ADCK1: variants seen among roughly 807,000 people sequenced by gnomAD.
ADCK1 encodes the protein aarF domain containing kinase 1.
Under a neutral mutation model 52.3 loss-of-function variants are expected in ADCK1, and 41 were observed. The ratio of observed to expected loss-of-function variants is 0.78; its 90% confidence interval spans 0.61 to 1.02. The LOEUF is 1.02. Ranked by LOEUF, ADCK1 falls within the 50% of genes least tolerant of loss-of-function variation. The pLI is 0.00. For synonymous variants in ADCK1, 250 were observed against 274.6 expected (o/e 0.91, Z 0.89); for missense variants, 658 against 679.5 (o/e 0.97, Z 0.35).
At chr14:77,827,443 C>T (rs1471710221) in intron 3 of ADCK1, among the ~76,000 whole-genome samples, 1 of 110,336 alleles carries the variant, frequency 9.1e-6, no homozygotes, top group African/African-American at 3.5e-5. Context: ...TCAGTTATAG[C>T]TACCAGGAAA....
intron 3 of ADCK1, among the ~76,000 whole-genome samples, chr14:77,823,370 G>A (rs1452519647): frequency 6.6e-6 from 1 of 152,090 alleles, no homozygotes; most frequent in Non-Finnish European, 1.5e-5. Context: ...TCTCCTCTGT[G>A]ATGCTTTTCT....
intron 9 of ADCK1, among the ~76,000 whole-genome samples, chr14:77,930,691 T>G (rs1421683634): frequency 6.6e-6 from 1 of 152,166 alleles, no homozygotes; most frequent in Non-Finnish European, 1.5e-5. Flanking sequence ...AATACACCGA[T>G]AGGGTTGTTG....
At chr14:77,914,612 A>G in intron 7 of ADCK1, 2 of 984,168 alleles carry the variant, frequency 2.0e-6, no homozygotes, top group East Asian at 1.1e-4. Flanking sequence ...GAGGGTTTCA[A>G]AGTTAGGGCC....
intron 3 of ADCK1, among the ~76,000 whole-genome samples, chr14:77,844,112 G>T (rs2082128272): frequency 6.6e-6 from 1 of 151,754 alleles, no homozygotes; most frequent in Non-Finnish European, 1.5e-5. Flanking sequence ...CTGTTGCTCA[G>T]GCTGGAGTGC....
intron 3 of ADCK1, among the ~76,000 whole-genome samples, chr14:77,844,557 C>T (rs977652254): frequency 2.6e-5 from 4 of 152,160 alleles, no homozygotes; most frequent in Admixed American, 2.0e-4. Context: ...GGGGAGCCGG[C>T]CCCGTCAGGT....
chr14:77,818,020 G>T (rs1035685777), intron 1 of ADCK1, among the ~76,000 whole-genome samples: 3 of 151,786 alleles, frequency 2.0e-5, no homozygotes, highest in Non-Finnish European at 2.9e-5. Flanking sequence ...TTACAGGCGT[G>T]AGCCACCACG....
At chr14:77,826,271 G>A (rs918184394) in intron 3 of ADCK1, among the ~76,000 whole-genome samples, 3 of 152,168 alleles carry the variant, frequency 2.0e-5, no homozygotes, top group Admixed American at 6.5e-5. Flanking sequence ...ATCCCTTCTC[G>A]TCAGTGTGGC....
intron 1 of ADCK1, among the ~76,000 whole-genome samples, chr14:77,803,583 A>G (rs2081158562): frequency 6.6e-6 from 1 of 152,088 alleles, no homozygotes; most frequent in Admixed American, 6.6e-5. Flanking sequence ...GTCCAGCGAG[A>G]TGGATTCCAT....
Position 77,899,262 on chromosome 14 carries a change from G to T in ADCK1, c.741+4G>T, listed in dbSNP as rs377758172. ...CAGGCATTTTGACTTCTTGAAGGTA[G>T]GTGGGACGATGCAATGCAGGGTATG... On this transcript the variant is annotated splice_donor_region_variant and intron_variant, in intron 6 of 10. Transcript: ENST00000238561. 2 of 1,613,946 alleles carry T rather than the reference G, an allele frequency of 1.2e-6. No homozygotes were observed. Among genetic ancestry groups the T allele is most frequent in the African/African-American group, 2.7e-5 (2 of 74,924 alleles).
At chr14:77,842,454 T>C (rs984497453) in intron 3 of ADCK1, among the ~76,000 whole-genome samples, 1 of 41,786 alleles carries the variant, frequency 2.4e-5, no homozygotes, top group African/African-American at 6.2e-5. Context: ...TTTTTTTCCT[T>C]CCTTCCTTCC....
At chr14:77,825,433 T>G (rs1286748776) in intron 3 of ADCK1, among the ~76,000 whole-genome samples, 1 of 152,174 alleles carries the variant, frequency 6.6e-6, no homozygotes, top group Non-Finnish European at 1.5e-5. Flanking sequence ...TTATGCCACT[T>G]ACTCAGGATT....
intron 1 of ADCK1, among the ~76,000 whole-genome samples, chr14:77,815,024 T>A (rs566881843): frequency 6.7e-6 from 1 of 150,314 alleles, no homozygotes; most frequent in African/African-American, 2.4e-5. Flanking sequence ...GTAGCTGGGA[T>A]TACAGAGGCA....
At chr14:77,905,240 C>A (rs1285335386) in intron 6 of ADCK1, among the ~76,000 whole-genome samples, 1 of 150,788 alleles carries the variant, frequency 6.6e-6, no homozygotes, top group Middle Eastern at 3.3e-3. Context: ...GACCCTGATG[C>A]ACAAGCACAG....
intron 4 of ADCK1, among the ~76,000 whole-genome samples, chr14:77,859,618 C>T (rs1468774476): frequency 6.6e-6 from 1 of 152,200 alleles, no homozygotes; most frequent in Non-Finnish European, 1.5e-5. Flanking sequence ...GAAGCCCCAT[C>T]CCATCTGGTT....
At chr14:77,865,635 C>T (rs1241491347) in intron 4 of ADCK1, among the ~76,000 whole-genome samples, 4 of 152,194 alleles carry the variant, frequency 2.6e-5, no homozygotes, top group Middle Eastern at 3.2e-3. Context: ...TGTGTACCCT[C>T]GGTCTGCTTT....
At chr14:77,823,890 A>G (rs995390098) in intron 3 of ADCK1, among the ~76,000 whole-genome samples, 6 of 147,856 alleles carry the variant, frequency 4.1e-5, no homozygotes, top group Non-Finnish European at 8.9e-5. Flanking sequence ...TTATTTTTTT[A>G]TTCATTCATT....
At chr14:77,819,237 A>G in intron 2 of ADCK1, 124 bp downstream of exon 2, 1 of 1,367,434 alleles carries the variant, frequency 7.3e-7, no homozygotes, top group Non-Finnish European at 1.0e-6. Flanking sequence ...TTACATGTGC[A>G]AAAGCTACAT....
chr14:77,931,437 C>T, intron 9 of ADCK1, 81 bp from the exon 10 acceptor site: 1 of 1,444,870 alleles, frequency 6.9e-7, no homozygotes, highest in Admixed American at 1.9e-5. Context: ...GCCCTCTGGT[C>T]ACAGCCTGCC....
At chr14:77,831,348 C>T (rs1393165349) in intron 3 of ADCK1, among the ~76,000 whole-genome samples, 2 of 152,074 alleles carry the variant, frequency 1.3e-5, no homozygotes, top group Admixed American at 6.6e-5. Flanking sequence ...ACTAGGGCTC[C>T]CTCCGCATGG....
Sources: allele counts gnomAD v4.1 joint callset (sites outside exome capture counted in the v4.1 genomes callset), GRCh38; gene constraint gnomAD v4.1.1; transcripts MANE v1.5; gene names NCBI Gene and HGNC (gene_info 2026-07-23, HGNC 2026-07-21).